The following CLVS1 variants were observed in gnomAD, a reference collection of about 807,000 sequenced individuals.
CLVS1 encodes the protein clavesin 1, also known as clavesin-1.
A neutral mutation model predicts 33.1 loss-of-function variants in CLVS1; 10 were observed. The observed-to-expected ratio is 0.30, with a 90% confidence interval of 0.19 to 0.51. The LOEUF (loss-of-function observed/expected upper bound fraction) is 0.51, where lower values mean the gene tolerates loss of function less well. CLVS1 is among the 20% of genes least tolerant of loss of function. The probability of loss-of-function intolerance (pLI) is 0.97; values close to 1 mark genes in which losing one functional copy is unlikely to be tolerated. For synonymous variants in CLVS1, 163 were observed against 166.1 expected (o/e 0.98, Z 0.14); for missense variants, 343 against 433.4 (o/e 0.79, Z 1.85).
At chr8:61,464,062 C>T (rs1817463457) in intron 5 of CLVS1, among the ~76,000 whole-genome samples, 1 of 148,508 alleles carries the variant, frequency 6.7e-6, no homozygotes, top group African/African-American at 2.5e-5. Flanking sequence ...GCACTCCAGC[C>T]TGGGCAACAA....
At position 61,431,825 on chromosome 8, in the gene CLVS1, G is replaced by A. The variant is rs28670089; in HGVS notation, c.631-22316G>A. On this transcript the variant is annotated intron_variant, in intron 3 of 5. Coordinates refer to ENST00000325897, the MANE Select transcript of CLVS1 (RefSeq NM_173519.3). ...AAGCAATGGTAAATTCAAACTATCC[G>A]TGCCAGAAAATTTCTGTGTTTTCCC... is the stretch of plus-strand genomic sequence containing the variant. 6.4e-3 allele frequency among the ~76,000 whole-genome samples: 969 copies of A among 152,210 alleles called. 15 individuals are homozygous for A. Among genetic ancestry groups the A allele is most frequent in the African/African-American group, 0.022 (904 of 41,534 alleles).
intron 1 of CLVS1, among the ~76,000 whole-genome samples, chr8:61,097,078 A>T (rs1045439020): frequency 3.3e-5 from 5 of 152,100 alleles, no homozygotes; most frequent in African/African-American, 9.7e-5. Flanking sequence ...AACACAGCAT[A>T]GGCTGGGCGT....
intron 2 of CLVS1, among the ~76,000 whole-genome samples, chr8:61,279,802 T>A (rs1030532224): frequency 6.6e-6 from 1 of 152,236 alleles, no homozygotes; most frequent in Non-Finnish European, 1.5e-5. Flanking sequence ...GTAAATATTT[T>A]ATCCAGTTTC....
At chr8:61,134,358 T>G (rs1309339820) in intron 2 of CLVS1, among the ~76,000 whole-genome samples, 2 of 152,206 alleles carry the variant, frequency 1.3e-5, no homozygotes, top group Non-Finnish European at 2.9e-5. Flanking sequence ...TCAGCAGGCC[T>G]GTACCTAATG....
intron 3 of CLVS1, among the ~76,000 whole-genome samples, chr8:61,381,740 G>A (rs781266097): frequency 1.8e-4 from 28 of 152,080 alleles, no homozygotes; most frequent in Admixed American, 3.9e-4. Context: ...GCCTCCATTT[G>A]CATCCATGTT....
At position 61,451,254 on chromosome 8, in the gene CLVS1, A is replaced by T. The variant is rs577022215; in HGVS notation, c.631-2887A>T. On this transcript the variant is annotated intron_variant, in intron 3 of 5. Coordinates refer to ENST00000325897, the MANE Select transcript of CLVS1 (RefSeq NM_173519.3). Reference sequence around the variant, plus strand: ...ATAGTAAGAGTGTGTCTTTGGCAGTAGGATTATAGGGGCTTTTTCTTTTCT... The same window carrying T: ...ATAGTAAGAGTGTGTCTTTGGCAGTTGGATTATAGGGGCTTTTTCTTTTCT... 5.3e-5 allele frequency among the ~76,000 whole-genome samples: 8 copies of T among 152,242 alleles called. No homozygotes were observed. The East Asian group carries it at 1.5e-3, about 29-fold the overall frequency.
intron 3 of CLVS1, among the ~76,000 whole-genome samples, chr8:61,413,221 G>A (rs1297769953): frequency 6.6e-6 from 1 of 152,110 alleles, no homozygotes; most frequent in South Asian, 2.1e-4. Flanking sequence ...CCTGGTAGAA[G>A]ATTTATTTTA....
intron 1 of CLVS1, among the ~76,000 whole-genome samples, chr8:61,118,858 G>T (rs1027895361): frequency 1.3e-5 from 2 of 152,188 alleles, no homozygotes; most frequent in African/African-American, 4.8e-5. Flanking sequence ...GTTGATTTGG[G>T]GTGGAGAGTT....
At chr8:61,452,360 G>A (rs1816994262) in intron 3 of CLVS1, among the ~76,000 whole-genome samples, 3 of 152,196 alleles carry the variant, frequency 2.0e-5, no homozygotes, top group Admixed American at 6.5e-5. Flanking sequence ...CCATTAAAAA[G>A]ATAGTGAAGC....
chr8:61,332,466 T>C (rs1179488248), intron 2 of CLVS1, among the ~76,000 whole-genome samples: 1 of 152,204 alleles, frequency 6.6e-6, no homozygotes, highest in Non-Finnish European at 1.5e-5. Context: ...TTACTTTCTC[T>C]GGACTGTTAC....
In CLVS1 at chr8:61,123,223, C is replaced by T. The variant is rs373398478; in HGVS notation, c.-242-8547C>T. Among the ~76,000 whole-genome samples the T allele has an allele frequency of 8.7e-5, 11 of 127,066 alleles. 2 individuals are homozygous for T. The highest frequency in any genetic ancestry group is 1.1e-4 in the African/African-American group (4 of 36,028). 83.4% of individuals were successfully genotyped at this position (127,066 alleles called of 152,430 possible). A position where few individuals can be genotyped will look rare whatever the true frequency, so the allele number is the denominator to read the frequency against. On this transcript the variant is annotated intron_variant, in intron 1 of 2. Transcript: ENST00000522621. ...GGCGGAGGTTGCGCTGAGCCGAGAT[C>T]GCACCATTGCACTCCAGCCTGGGAA...
At chr8:61,165,175 T>C (rs1015334857) in intron 2 of CLVS1, among the ~76,000 whole-genome samples, 1 of 152,172 alleles carries the variant, frequency 6.6e-6, no homozygotes, top group Non-Finnish European at 1.5e-5. Flanking sequence ...GGCACCTCCT[T>C]GGATAAGGAG....
At chr8:61,296,258 T>G (rs1810206278) in intron 1 of CLVS1, among the ~76,000 whole-genome samples, 1 of 152,208 alleles carries the variant, frequency 6.6e-6, no homozygotes, top group African/African-American at 2.4e-5. Context: ...CCCAGAAGCT[T>G]CTACTGTGTG....
At chr8:61,017,987 G>A in the CLVS1 span, among the ~76,000 whole-genome samples, 4 of 152,328 alleles carry the variant, frequency 2.6e-5, no homozygotes, top group Admixed American at 6.5e-5. Flanking sequence ...TATGCTCAAT[G>A]TTGAGGGCAG....
intron 5 of CLVS1, 61 bp downstream of exon 5, chr8:61,458,603 G>T: frequency 8.8e-7 from 1 of 1,141,844 alleles, no homozygotes; most frequent in South Asian, 1.6e-5. Context: ...TTTTTATTTG[G>T]ACCTATTGTG....
intron 2 of CLVS1, among the ~76,000 whole-genome samples, chr8:61,341,800 C>T (rs1368961380): frequency 2.6e-5 from 4 of 152,186 alleles, no homozygotes; most frequent in Non-Finnish European, 5.9e-5. Flanking sequence ...TGGAATCTAA[C>T]TGATGGCTTT....
At chr8:61,086,116 A>G (rs1805123007) in intron 1 of CLVS1, among the ~76,000 whole-genome samples, 1 of 144,246 alleles carries the variant, frequency 6.9e-6, no homozygotes, top group South Asian at 2.2e-4. Flanking sequence ...AATCCCAGCT[A>G]CTCAGGAGGC....
chr8:61,269,333 G>T (rs997084896), intron 2 of CLVS1, among the ~76,000 whole-genome samples: 68 of 152,300 alleles, frequency 4.5e-4, no homozygotes, highest in Admixed American at 1.0e-3. Flanking sequence ...TTGTAGATGT[G>T]TGGTATTATT....
At chr8:61,437,979 G>A (rs562382888) in intron 3 of CLVS1, among the ~76,000 whole-genome samples, 102 of 152,152 alleles carry the variant, frequency 6.7e-4, no homozygotes, top group Non-Finnish European at 1.3e-3. Context: ...AATTCCACTC[G>A]GCCTCTGAAT....
Sources: allele counts gnomAD v4.1 joint callset (sites outside exome capture counted in the v4.1 genomes callset), GRCh38; gene constraint gnomAD v4.1.1; transcripts MANE v1.5; gene names NCBI Gene and HGNC (gene_info 2026-07-23, HGNC 2026-07-21).